The following LRRK1 variants were observed in gnomAD, a reference collection of about 807,000 sequenced individuals.
LRRK1 encodes the protein leucine rich repeat kinase 1, also known as leucine-rich repeat serine/threonine-protein kinase 1.
Under a neutral mutation model 209.1 loss-of-function variants are expected in LRRK1, and 113 were observed. That is an observed-to-expected ratio of 0.54 (90% CI 0.46 to 0.63). The LOEUF (loss-of-function observed/expected upper bound fraction) is 0.63. Ranked by LOEUF, LRRK1 falls within the 30% of genes least tolerant of loss-of-function variation. The pLI is 0.00. For synonymous variants in LRRK1, 1,144 were observed against 1,099.7 expected, an observed-to-expected ratio of 1.04 and a Z score of -0.80; for missense variants, 2,284 against 2,632.2, an observed-to-expected ratio of 0.87 and a Z score of 2.89.
intron 20 of LRRK1, among the ~76,000 whole-genome samples, chr15:101,036,238 G>T (rs1362448280): frequency 6.6e-6 from 1 of 152,062 alleles, no homozygotes; most frequent in African/African-American, 2.4e-5. Flanking sequence ...ATACTTGGTT[G>T]CTTTATGGTG....
chr15:101,039,022 G>A (rs1483121474), intron 20 of LRRK1, among the ~76,000 whole-genome samples: 1 of 152,164 alleles, frequency 6.6e-6, no homozygotes, highest in Non-Finnish European at 1.5e-5. Context: ...TTAGGACCTG[G>A]ATATTTTGGG....
At chr15:101,048,372 A>G in intron 21 of LRRK1, 122 bp from the exon 22 acceptor site, 2 of 768,600 alleles carry the variant, frequency 2.6e-6, no homozygotes, top group Non-Finnish European at 4.1e-6. Context: ...GCGTGGGAGG[A>G]GAGGGTGGGA....
chr15:100,941,471 T>C (rs1357375087), intron 2 of LRRK1, among the ~76,000 whole-genome samples: 6 of 145,898 alleles, frequency 4.1e-5, no homozygotes, highest in Non-Finnish European at 8.9e-5. Context: ...TCTCTGTGTG[T>C]GTGTGTGTGT....
intron 3 of LRRK1, among the ~76,000 whole-genome samples, chr15:100,976,978 C>T (rs2031329229): frequency 6.6e-6 from 1 of 152,162 alleles, no homozygotes; most frequent in Non-Finnish European, 1.5e-5. Flanking sequence ...ACTTTGCCCT[C>T]TTCTTCTCAC....
chr15:101,027,039 A>G lies in LRRK1; in HGVS notation c.2406-222A>G, dbSNP rs1317015971. 6.6e-6 allele frequency among the ~76,000 whole-genome samples: 1 copy of G among 152,128 alleles called. No individual in the cohort carries two copies. The highest frequency in any genetic ancestry group is 1.9e-4 in the East Asian group (1 of 5,188). On this transcript the variant is annotated intron_variant, in intron 17 of 33. Coordinates refer to ENST00000388948, the MANE Select transcript of LRRK1 (RefSeq NM_024652.6). This position sits in a 1 kb window ranked among gnomAD's most constrained non-coding sequence, Gnocchi z 5.1. The stretch of plus-strand genomic sequence containing the variant: ...TGCACCTCACTTTCCTCCTCCGTGA[A>G]GTGCCATGTTTAGTCTGGGAAGACA...
rs972212105 is a variant in LRRK1 at position 101,015,988 on chromosome 15, C to G, written c.1609+586C>G. The stretch of plus-strand genomic sequence containing the variant: ...GAGGACTCTGGTCTTTCTTCCTCTT[C>G]TTTTTTTTTTTTTTTCTTTGAGACT... On this transcript the variant is annotated intron_variant, in intron 12 of 33. Coordinates refer to ENST00000388948, the MANE Select transcript of LRRK1 (RefSeq NM_024652.6). 1.6e-3 allele frequency among the ~76,000 whole-genome samples: 233 copies of G among 143,320 alleles called. 1 individual carries two copies. Among genetic ancestry groups the G allele is most frequent in the African/African-American group, 5.6e-3 (220 of 39,164 alleles). The allele number at this position is 143,320 out of a possible 152,430, so 94.0% of individuals were successfully genotyped here.
In LRRK1 at chr15:100,973,858, G is replaced by T. The variant is rs2031119712; in HGVS notation, c.152G>T (p.Arg51Leu). Residue 51 changes from arginine to leucine, a missense_variant, in exon 3 of 34, where the codon CGG (arginine) becomes CTG (leucine). Physicochemically the swap from Arg to Leu is moderately radical, Grantham distance 102 (BLOSUM62 -2). Coordinates refer to ENST00000388948, the MANE Select transcript of LRRK1 (RefSeq NM_024652.6). ...ACGCGGGGCGGTGACCCTGCAGCGC[G>T]GTCCCGCAGGACGGAAGGCATCCGC... ...PSTRGGDPAA[R>L]SRRTEGIRAA... 1 of 1,291,414 alleles carries T rather than the reference G, an allele frequency of 7.7e-7. No individual in the cohort carries two copies. The allele number at this position is 1,291,414 out of a possible 1,614,324, so 80.0% of individuals were successfully genotyped here. A position where few individuals can be genotyped will look rare whatever the true frequency, so the allele number is the denominator to read the frequency against.
chr15:101,049,166 A>G (rs1025318723), intron 22 of LRRK1, among the ~76,000 whole-genome samples: 1 of 152,160 alleles, frequency 6.6e-6, no homozygotes, highest in Non-Finnish European at 1.5e-5. Context: ...GGTTTAACGA[A>G]TGATAAACAC....
rs963631077 is a variant in LRRK1, at chr15:101,008,822, T to C, written c.763-15T>C. On this transcript the variant is annotated splice_polypyrimidine_tract_variant and intron_variant, in intron 6 of 33. Coordinates refer to ENST00000388948, the MANE Select transcript of LRRK1 (RefSeq NM_024652.6). ...TCACCCTCCACATGTGCTTTTCCTT[T>C]CTTTCCACCACCAGGCTCTCCGTGT... is the stretch of plus-strand genomic sequence containing the variant. The C allele has an allele frequency of 6.2e-7, 1 of 1,601,728 alleles. No individual in the cohort carries two copies. The highest frequency in any genetic ancestry group is 1.7e-5 in the Admixed American group (1 of 60,020).
In LRRK1 at chr15:101,056,826, G is replaced by A. The variant is rs199876410; in HGVS notation, c.4333-30G>A. 7.8e-6 allele frequency: 12 copies of A among 1,537,594 alleles called. No homozygotes were observed. The East Asian group carries it at 2.4e-4, about 30-fold the overall frequency. ...TTGTGAAGGCCACTGGGCCCAGGCA[G>A]CGACCTGACTTGGCTTGTTCTGTGC... On this transcript the variant is annotated intron_variant, in intron 27 of 33. Transcript: ENST00000388948.
intron 31 of LRRK1, among the ~76,000 whole-genome samples, chr15:101,064,077 C>T (rs1461599894): frequency 6.6e-6 from 1 of 152,272 alleles, no homozygotes; most frequent in East Asian, 1.9e-4. Flanking sequence ...TGCATTCTTG[C>T]ACGCGCACCC....
intron 1 of LRRK1, among the ~76,000 whole-genome samples, chr15:100,923,055 C>T (rs2042047447): frequency 1.3e-5 from 2 of 152,184 alleles, no homozygotes; most frequent in African/African-American, 4.8e-5. Context: ...ATCTGCCCTC[C>T]AGCATTGATA....
intron 2 of LRRK1, among the ~76,000 whole-genome samples, chr15:100,951,064 C>G (rs926430575): frequency 6.6e-6 from 1 of 152,182 alleles, no homozygotes; most frequent in African/African-American, 2.4e-5. Flanking sequence ...GGTTGCGCCA[C>G]CGCACTCCAG....
intron 6 of LRRK1, among the ~76,000 whole-genome samples, chr15:101,001,643 A>G (rs2032696612): frequency 6.6e-6 from 1 of 152,210 alleles, no homozygotes; most frequent in African/African-American, 2.4e-5. Flanking sequence ...TGTATGGGCC[A>G]AGAATTGACA....
chr15:101,053,708 G>C (rs1308672631), intron 26 of LRRK1, among the ~76,000 whole-genome samples: 1 of 152,252 alleles, frequency 6.6e-6, no homozygotes, highest in Non-Finnish European at 1.5e-5. Flanking sequence ...AAGGAGGATG[G>C]TAACAGGCCT....
chr15:101,006,743 G>C lies in LRRK1; in HGVS notation c.763-2094G>C, dbSNP rs115078158. Among the ~76,000 whole-genome samples, 244 of 152,340 alleles carry C rather than the reference G, an allele frequency of 1.6e-3. 1 individual carries two copies. Among genetic ancestry groups the C allele is most frequent in the African/African-American group, 5.4e-3 (226 of 41,574 alleles). ...CAAAACATAAAAAGCGTGTGTATTT[G>C]TGTGGAGAAAGAGGGGCAAAAGCCT... On this transcript the variant is annotated intron_variant, in intron 6 of 33. Transcript: ENST00000388948.
In LRRK1 at chr15:101,010,417, T is replaced by G. The variant is rs749521288; in HGVS notation, c.990-33T>G. On this transcript the variant is annotated intron_variant, in intron 7 of 33. Transcript: ENST00000388948. ...TAAATTTGGTGTTTTCCCTCTTTAT[T>G]CTGATGCCTGCCTTCCTTCTTCTCC... 4 of 1,590,940 alleles carry G rather than the reference T, an allele frequency of 2.5e-6. No homozygotes were observed. In the African/African-American group the frequency reaches 5.4e-5, roughly 22 times the overall value.
chr15:100,990,295 A>T (rs1333798862), intron 6 of LRRK1, among the ~76,000 whole-genome samples: 1 of 152,126 alleles, frequency 6.6e-6, no homozygotes, highest in Non-Finnish European at 1.5e-5. Context: ...AGTGTCACTT[A>T]GTTGACATAG....
chr15:100,959,972 A>G, intron 2 of LRRK1, among the ~76,000 whole-genome samples: 1 of 152,082 alleles, frequency 6.6e-6, no homozygotes, highest in East Asian at 1.9e-4. Context: ...CCTTGCACTC[A>G]TTTTTGTTGG....
Sources: gnomAD v4.1 joint callset for allele counts (sites outside exome capture counted in the v4.1 genomes callset) on GRCh38, gnomAD v4.1.1 for gene constraint, Gnocchi (gnomAD v3.1) non-coding constraint, MANE v1.5 for transcripts, NCBI Gene and HGNC (gene_info 2026-07-23, HGNC 2026-07-21) for gene names.